Variants in ENAH observed in about 807,000 individuals in gnomAD.
The protein encoded by ENAH is protein enabled homolog.
In ENAH, 23 loss-of-function variants were observed where a neutral mutation model predicts 78.7. The observed-to-expected ratio is 0.29, with a 90% CI of 0.21 to 0.41. ENAH has a LOEUF of 0.41. Ranked by LOEUF, ENAH falls within the 10% of genes least tolerant of loss-of-function variation. ENAH has a pLI of 1.00. For synonymous variants in ENAH, 226 were observed against 241.0 expected (o/e 0.94, Z 0.58); for missense variants, 544 against 691.0 (o/e 0.79, Z 2.39).
rs781186999 is a variant in ENAH at position 225,555,113 on chromosome 1, A to G, written c.172-30T>C. The G allele has an allele frequency of 2.0e-6, 3 of 1,488,352 alleles. No homozygotes were observed. In the African/African-American group the frequency reaches 4.1e-5, roughly 20 times the overall value. 92.2% of individuals were successfully genotyped at this position (1,488,352 alleles called of 1,614,324 possible). On this transcript the variant is annotated intron_variant, in intron 2 of 13. Transcript: ENST00000366843. ...AAAATAATAATTCTTTATAAAGTCA[A>G]ACCAATAATTGGCAAAATCAAGGAT...
intron 1 of ENAH, chr1:225,580,249 C>G (rs1481351406): frequency 6.6e-6 from 1 of 152,004 alleles, no homozygotes; most frequent in Non-Finnish European, 1.5e-5. Flanking sequence ...CGAAGTGACT[C>G]TGGCTTCCAT....
chr1:225,646,654 T>A (rs1662012463), intron 1 of ENAH, among the ~76,000 whole-genome samples: 1 of 151,602 alleles, frequency 6.6e-6, no homozygotes. Flanking sequence ...CCAGGCGTGG[T>A]GGCAGGCGCC....
intron 11 of ENAH, among the ~76,000 whole-genome samples, chr1:225,507,452 T>C (rs1178141369): frequency 3.3e-5 from 5 of 152,048 alleles, no homozygotes; most frequent in African/African-American, 4.8e-5. Flanking sequence ...AGAGTAATAA[T>C]GGTATTGTGG....
At chr1:225,601,375 G>A (rs867485085) in intron 1 of ENAH, among the ~76,000 whole-genome samples, 6 of 151,994 alleles carry the variant, frequency 3.9e-5, no homozygotes, top group Admixed American at 1.3e-4. Flanking sequence ...AAAATTAGCC[G>A]GGTGTGGTGG....
At chr1:225,567,938 C>CTGA (rs769512495) in intron 1 of ENAH, among the ~76,000 whole-genome samples, 13 of 152,148 alleles carry the variant, frequency 8.5e-5, no homozygotes, top group Non-Finnish European at 1.3e-4. Flanking sequence ...GTAACTAAGT[C>CTGA]TGATAATCAA....
intron 1 of ENAH, among the ~76,000 whole-genome samples, chr1:225,635,594 AAG>A: frequency 6.6e-6 from 1 of 152,198 alleles, no homozygotes; most frequent in Non-Finnish European, 1.5e-5. Flanking sequence ...TCCATACTCA[AAG>A]AGGAAACTCA....
chr1:225,603,046 T>C lies in ENAH; in HGVS notation c.6-35632A>G, dbSNP rs1407888247. Among the ~76,000 whole-genome samples, 4 of 151,672 alleles carry C rather than the reference T, an allele frequency of 2.6e-5. No homozygotes were observed. In the East Asian group the frequency reaches 5.8e-4, roughly 22 times the overall value. The stretch of plus-strand genomic sequence containing the variant: ...GAAGTATAGCCAACAGTAAGAGATA[T>C]GAGCACAAAAACAAATACCCAAATA... On this transcript the variant is annotated intron_variant, in intron 1 of 13. Transcript: ENST00000366843.
intron 1 of ENAH, among the ~76,000 whole-genome samples, chr1:225,648,758 CT>C (rs57529265): frequency 0.017 from 2,266 of 134,632 alleles, 31 homozygotes; most frequent in East Asian, 0.095. Flanking sequence ...AGATTATCTC[CT>C]TTTTTTTTTT....
chr1:225,565,349 C>T (rs2096729208), intron 2 of ENAH, among the ~76,000 whole-genome samples: 1 of 151,966 alleles, frequency 6.6e-6, no homozygotes, highest in African/African-American at 2.4e-5. Flanking sequence ...GCAGGAGAAT[C>T]GCTTGAACCC....
intron 2 of ENAH, among the ~76,000 whole-genome samples, chr1:225,563,098 T>C (rs559723713): frequency 2.0e-5 from 3 of 152,340 alleles, no homozygotes; most frequent in South Asian, 4.1e-4. Flanking sequence ...TAATCGTTTA[T>C]TGCTTATACA....
chr1:225,498,360 T>A lies in ENAH; in HGVS notation c.1662A>T (p.Glu554Asp). 1 of 1,592,220 alleles carries A rather than the reference T, an allele frequency of 6.3e-7. No individual in the cohort carries two copies. The highest frequency in any genetic ancestry group is 1.7e-5 in the Admixed American group (1 of 59,028). The change falls in exon 13 of 14, where the codon GAA (glutamate) becomes GAT (aspartate). Residue 554 changes from glutamate (E) to aspartate (D), a missense_variant. Coordinates refer to ENST00000366843, the MANE Select transcript of ENAH (RefSeq NM_018212.6). ...EMRKELTKLKEELIDAIRQEL... is the reference protein window; with the variant it reads ...EMRKELTKLKDELIDAIRQEL... The stretch of plus-strand genomic sequence containing the variant: ...CCAGACACTTACCATCAATGAGCTC[T>A]TCTTTTAGCTTTGTTAATTCTTTTC...
Position 225,531,383 on chromosome 1 carries a change from TG to T in ENAH, c.350-746del, listed in dbSNP as rs578075268. Among the ~76,000 whole-genome samples the T allele has an allele frequency of 1.5e-4, 23 of 152,276 alleles. No homozygotes were observed. The South Asian group carries it at 3.9e-3, about 26-fold the overall frequency. Reference sequence around the variant, plus strand: ...TCATGTACAATGCAGACCTGTTTTTTGCATCTTAGATAGAATGCCACTGAAT... The same window carrying T: ...TCATGTACAATGCAGACCTGTTTTTTCATCTTAGATAGAATGCCACTGAAT... On this transcript the variant is annotated intron_variant, in intron 3 of 13. Coordinates refer to ENST00000366843, the MANE Select transcript of ENAH (RefSeq NM_018212.6).
chr1:225,536,686 C>G (rs778779902), intron 3 of ENAH, among the ~76,000 whole-genome samples: 9 of 151,926 alleles, frequency 5.9e-5, no homozygotes, highest in Non-Finnish European at 1.2e-4. Flanking sequence ...TAACACACAT[C>G]TAAAAATGGT....
At position 225,512,693 on chromosome 1, in the gene ENAH, TC is replaced by T; in HGVS notation, c.1385del (p.Gly462AspfsTer4). ...CTTTTTGTTCTGTTTCTATTGTTGA[TC>T]CCTTTTCAGCAATTCTTCTCCTACA... ...LARRRRIAEK[G>X]STIETEQKED... On this transcript the variant is annotated frameshift_variant, in exon 9 of 14. Coordinates refer to ENST00000366843, the MANE Select transcript of ENAH (RefSeq NM_018212.6). LOFTEE classifies it high-confidence loss of function. The T allele has an allele frequency of 6.2e-7, 1 of 1,613,908 alleles. No homozygotes were observed. Among genetic ancestry groups the T allele is most frequent in the Non-Finnish European group, 8.5e-7 (1 of 1,179,922 alleles).
chr1:225,581,051 A>AT (rs1289953288), intron 1 of ENAH, among the ~76,000 whole-genome samples: 4 of 151,702 alleles, frequency 2.6e-5, no homozygotes, highest in African/African-American at 9.7e-5. Context: ...ATTTTCAAAG[A>AT]TCAATTCCCA....
chr1:225,652,453 T>A (rs973606724), intron 1 of ENAH: 1 of 976,740 alleles, frequency 1.0e-6, no homozygotes, highest in African/African-American at 1.8e-5. Flanking sequence ...AGAAGAGCAT[T>A]TGAGGAAAAA....
chr1:225,504,173 A>ATT (rs199772268), intron 11 of ENAH, among the ~76,000 whole-genome samples: 1 of 150,956 alleles, frequency 6.6e-6, no homozygotes, highest in Non-Finnish European at 1.5e-5. Context: ...GGCCCAGCTA[A>ATT]TTTTTTTTTA....
upstream of ENAH, among the ~76,000 whole-genome samples, chr1:225,653,746 G>A (rs1363361303): frequency 1.3e-5 from 2 of 152,202 alleles, no homozygotes; most frequent in Non-Finnish European, 2.9e-5. This position sits in a 1 kb window ranked among gnomAD's most constrained non-coding sequence, Gnocchi z 4.3. Flanking sequence ...AGGGAATCGG[G>A]GGGCATCCCG....
intron 4 of ENAH, among the ~76,000 whole-genome samples, chr1:225,528,344 G>T (rs1452684300): frequency 6.6e-6 from 1 of 152,200 alleles, no homozygotes; most frequent in African/African-American, 2.4e-5. Flanking sequence ...CATGTCAGAA[G>T]AGGTGAATGC....
Sources: allele counts gnomAD v4.1 joint callset (sites outside exome capture counted in the v4.1 genomes callset), GRCh38; gene constraint gnomAD v4.1.1; non-coding constraint Gnocchi (gnomAD v3.1); transcripts MANE v1.5; gene names NCBI Gene and HGNC (gene_info 2026-07-23, HGNC 2026-07-21).